DCDC1: variants seen among roughly 807,000 people sequenced by gnomAD.
DCDC1 encodes doublecortin domain-containing protein 1.
In DCDC1, 200 loss-of-function variants were observed where a neutral mutation model predicts 178.3. The ratio of observed to expected loss-of-function variants is 1.12; its 90% CI spans 1.00 to 1.26. The LOEUF is 1.26. Ranked by LOEUF, DCDC1 falls within the 50% of genes most tolerant of loss-of-function variation. The probability of loss-of-function intolerance (pLI) is 0.00; values close to 1 mark genes in which losing one functional copy is unlikely to be tolerated. For missense variants in DCDC1, 1,983 were observed against 1,749.2 expected (o/e 1.13, Z -2.38); for synonymous variants, 690 against 604.8 (o/e 1.14, Z -2.07).
intron 15 of DCDC1, among the ~76,000 whole-genome samples, chr11:31,098,005 A>C (rs902494510): frequency 8.5e-5 from 13 of 152,188 alleles, no homozygotes; most frequent in Non-Finnish European, 1.5e-4. Context: ...TTATAATTTG[A>C]TGTTTTTCTT....
At chr11:31,072,400 T>C (rs780916295) in intron 18 of DCDC1, among the ~76,000 whole-genome samples, 1 of 152,154 alleles carries the variant, frequency 6.6e-6, no homozygotes, top group Non-Finnish European at 1.5e-5. Context: ...CTCCTATTTA[T>C]TTTTGCTTAA....
chr11:30,888,822 AT>A (rs1334299734), intron 36 of DCDC1, among the ~76,000 whole-genome samples: 2 of 152,270 alleles, frequency 1.3e-5, no homozygotes, highest in African/African-American at 4.8e-5. Context: ...AGTGTATACT[AT>A]AAATTAAATG....
chr11:31,229,332 G>A (rs184675545), intron 9 of DCDC1, among the ~76,000 whole-genome samples: 92 of 152,028 alleles, frequency 6.1e-4, no homozygotes, highest in Non-Finnish European at 2.9e-4. Context: ...CTCAAGATCA[G>A]AGATATAAAA....
At chr11:31,333,486 C>T (rs556103702) in intron 2 of DCDC1, among the ~76,000 whole-genome samples, 3 of 152,330 alleles carry the variant, frequency 2.0e-5, no homozygotes, top group East Asian at 1.9e-4. Context: ...GTGGTCTTTA[C>T]AATTTGGCAT....
intron 20 of DCDC1, among the ~76,000 whole-genome samples, chr11:30,964,971 C>G (rs1265446026): frequency 6.6e-6 from 1 of 152,152 alleles, no homozygotes; most frequent in Non-Finnish European, 1.5e-5. Flanking sequence ...GCAGTAATCT[C>G]TAAAGCCCTC....
chr11:31,106,050 C>G (rs1007836398), intron 13 of DCDC1, among the ~76,000 whole-genome samples: 3 of 152,108 alleles, frequency 2.0e-5, no homozygotes, highest in African/African-American at 7.2e-5. Flanking sequence ...GCATAAATTT[C>G]CTAGATATTG....
intron 1 of DCDC1, among the ~76,000 whole-genome samples, chr11:31,356,844 G>T (rs1351176130): frequency 2.0e-5 from 3 of 151,818 alleles, no homozygotes; most frequent in African/African-American, 7.3e-5. Flanking sequence ...TAGAAGAAAT[G>T]GATAAATTCC....
chr11:30,947,510 A>G (rs1239468136), intron 21 of DCDC1, among the ~76,000 whole-genome samples: 1 of 152,196 alleles, frequency 6.6e-6, no homozygotes, highest in African/African-American at 2.4e-5. Context: ...GGATATCCGT[A>G]TACAGAAGAA....
chr11:30,992,825 C>T (rs966778587), intron 20 of DCDC1: 26 of 152,040 alleles, frequency 1.7e-4, no homozygotes, highest in Admixed American at 9.2e-4. Flanking sequence ...CAATATTAGT[C>T]TTGATATTAA....
At position 31,290,543 on chromosome 11, in the gene DCDC1, T is replaced by C. The variant is rs193066598; in HGVS notation, c.960+104A>G. On this transcript the variant is annotated intron_variant, in intron 7 of 38. Coordinates refer to ENST00000684477, the MANE Select transcript of DCDC1 (RefSeq NM_001387274.1). ...AGTTCTATATAATGTCTTGTTAATA[T>C]TTCTATTTGTTGGCATCGATATTTA... 3.3e-5 allele frequency: 41 copies of C among 1,230,716 alleles called. 1 individual carries two copies. In the East Asian group the frequency reaches 1.0e-3, roughly 31 times the overall value. 76.2% of individuals were successfully genotyped at this position (1,230,716 alleles called of 1,614,324 possible). A position where few individuals can be genotyped will look rare whatever the true frequency, so the allele number is the denominator to read the frequency against.
chr11:31,026,071 C>T (rs1953211809), intron 20 of DCDC1, among the ~76,000 whole-genome samples: 1 of 151,716 alleles, frequency 6.6e-6, no homozygotes, highest in Non-Finnish European at 1.5e-5. Flanking sequence ...CATTTGAAAC[C>T]TGTAATAAAC....
intron 9 of DCDC1, among the ~76,000 whole-genome samples, chr11:31,138,107 AT>A (rs1425236129): frequency 1.3e-5 from 2 of 149,594 alleles, no homozygotes; most frequent in African/African-American, 2.4e-5. Flanking sequence ...TTAAAAAAAA[AT>A]TAGGTTAATA....
At chr11:31,055,945 A>G (rs571079690) in intron 20 of DCDC1, among the ~76,000 whole-genome samples, 4 of 152,318 alleles carry the variant, frequency 2.6e-5, no homozygotes, top group African/African-American at 9.6e-5. Flanking sequence ...ACAAATCACC[A>G]CTAAAGAACT....
chr11:31,022,484 G>T (rs776177336), intron 20 of DCDC1, among the ~76,000 whole-genome samples: 11 of 151,726 alleles, frequency 7.2e-5, no homozygotes, highest in South Asian at 2.1e-4. Flanking sequence ...GGTACTGGGG[G>T]TTATAACTTC....
intron 20 of DCDC1, among the ~76,000 whole-genome samples, chr11:30,973,854 A>G (rs1949950434): frequency 6.6e-6 from 1 of 152,196 alleles, no homozygotes; most frequent in African/African-American, 2.4e-5. Context: ...TAAGAAAGAA[A>G]CATTGGATTT....
At chr11:31,333,821 C>A (rs1950130668) in intron 2 of DCDC1, among the ~76,000 whole-genome samples, 1 of 152,114 alleles carries the variant, frequency 6.6e-6, no homozygotes, top group South Asian at 2.1e-4. Flanking sequence ...ATTTTTTCCT[C>A]CTTTCAACCT....
Position 30,908,986 on chromosome 11 carries a change from C to T in DCDC1, c.3878G>A (p.Cys1293Tyr). ...TTCTTCTTTAATCACAGATGATGTACAGACACCAGCATAATTTGCTGATGT... is the reference window on the plus strand; with the variant it reads ...TTCTTCTTTAATCACAGATGATGTATAGACACCAGCATAATTTGCTGATGT... ...EITSANYAGV[C>Y]TSSVIKEENI... Residue 1293 changes from cysteine (C) to tyrosine (Y), a missense_variant, in exon 29 of 39, where the codon TGT (cysteine) becomes TAT (tyrosine). Physicochemically the swap from Cys to Tyr is radical, Grantham distance 194. Transcript: ENST00000684477. 1 of 1,609,460 alleles carries T rather than the reference C, an allele frequency of 6.2e-7. No homozygotes were observed. Among genetic ancestry groups the T allele is most frequent in the Admixed American group, 1.7e-5 (1 of 59,692 alleles).
intron 20 of DCDC1, among the ~76,000 whole-genome samples, chr11:31,029,694 A>G (rs1410563375): frequency 6.6e-6 from 1 of 152,170 alleles, no homozygotes; most frequent in Non-Finnish European, 1.5e-5. Context: ...TCTAAGCCAC[A>G]TGATTCTACC....
At chr11:31,201,157 G>A (rs1971244136) in intron 9 of DCDC1, among the ~76,000 whole-genome samples, 1 of 151,750 alleles carries the variant, frequency 6.6e-6, no homozygotes. Context: ...AATGCCCAAT[G>A]GATAAATGAA....
Sources: allele counts gnomAD v4.1 joint callset (sites outside exome capture counted in the v4.1 genomes callset), GRCh38; gene constraint gnomAD v4.1.1; transcripts MANE v1.5; gene names NCBI Gene and HGNC (gene_info 2026-07-23, HGNC 2026-07-21).